The following NEURL4 variants were observed in gnomAD, a reference collection of about 807,000 sequenced individuals.
The protein encoded by NEURL4 is neuralized E3 ubiquitin protein ligase 4, also known as neuralized-like protein 4.
A neutral mutation model predicts 148.0 loss-of-function variants in NEURL4; 45 were observed. The observed-to-expected ratio is 0.30, with a 90% CI of 0.24 to 0.39. The LOEUF (loss-of-function observed/expected upper bound fraction) is 0.39. Ranked by LOEUF, NEURL4 falls within the 10% of genes least tolerant of loss-of-function variation. NEURL4 has a pLI of 1.00. For synonymous variants in NEURL4, 854 were observed against 869.0 expected (o/e 0.98, Z 0.30); for missense variants, 1,776 against 2,144.0 (o/e 0.83, Z 3.39).
At position 7,318,828 on chromosome 17, in the gene NEURL4, TC is replaced by T; in HGVS notation, c.3685-155del. On this transcript the variant is annotated intron_variant, in intron 22 of 28. Coordinates refer to ENST00000399464, the MANE Select transcript of NEURL4 (RefSeq NM_032442.3). This position sits in a 1 kb window ranked among gnomAD's most constrained non-coding sequence, Gnocchi z 4.3. The stretch of plus-strand genomic sequence containing the variant: ...TCCCACTGCAGTTACCTAGAGCCCC[TC>T]CCCTTCCCCAAAACTGGCACATTCT... The T allele has an allele frequency of 4.2e-6, 4 of 957,362 alleles. No individual in the cohort carries two copies. The highest frequency in any genetic ancestry group is 6.1e-6 in the Non-Finnish European group (4 of 654,906). The allele number at this position is 957,362 out of a possible 1,614,324, so 59.3% of individuals were successfully genotyped here.
In NEURL4 at chr17:7,321,256, C is replaced by T. The variant is rs773909230; in HGVS notation, c.3216G>A (p.Leu1072=). 1.9e-6 allele frequency: 3 copies of T among 1,613,830 alleles called. No homozygotes were observed. Among genetic ancestry groups the T allele is most frequent in the Non-Finnish European group, 1.7e-6 (2 of 1,179,862 alleles). ...CACCGCGGACTGGCCCGTAGAGATCCAACACAGCCCACACGTTCTGGGAGG... is the reference window on the plus strand; with the variant it reads ...CACCGCGGACTGGCCCGTAGAGATCTAACACAGCCCACACGTTCTGGGAGG... ...TGIAKNVWAV[L]DLYGPVRGVS... The change falls in exon 20 of 29, where the codon TTG becomes TTA. Residue 1072 remains leucine, a synonymous_variant. Coordinates refer to ENST00000399464, the MANE Select transcript of NEURL4 (RefSeq NM_032442.3). The surrounding 1 kb of genome is among the most constrained non-coding windows in gnomAD (Gnocchi z 6.3).
rs1284487161 is a variant in NEURL4 at position 7,326,340 on chromosome 17, G to C, written c.1208C>G (p.Thr403Ser). 6.2e-7 allele frequency: 1 copy of C among 1,614,164 alleles called. No individual in the cohort carries two copies. Among genetic ancestry groups the C allele is most frequent in the East Asian group, 2.2e-5 (1 of 44,884 alleles). ...PATMTNLQSG[T>S]IMMSGCGILT... ...GATTCCACAGCCGCTCATCATGATG[G>C]TGCCTGGGTGATAGTGGACACTTGG... The change falls in exon 6 of 29, where the codon ACC becomes AGC. Residue 403 changes from threonine (T) to serine (S), a missense_variant. Physicochemically the swap from Thr to Ser is moderately conservative, Grantham distance 58. Transcript: ENST00000399464. The surrounding 1 kb of genome is among the most constrained non-coding windows in gnomAD (Gnocchi z 6.0).
Position 7,325,286 on chromosome 17 carries a change from A to C in NEURL4, c.1554T>G (p.Pro518=). ...RRAAPAAQAE[P]ERLLFHPNCG... ...AGTTGGGGTGGAAGAGCAGGCGCTC[A>C]GGTTCTGCCTGGGCGGCAGGGGCAG... The change falls in exon 8 of 29, where the codon CCT becomes CCG. Residue 518 remains proline (P), a synonymous_variant. Transcript: ENST00000399464. 6.2e-7 allele frequency: 1 copy of C among 1,608,324 alleles called. No individual in the cohort carries two copies. Among genetic ancestry groups the C allele is most frequent in the Non-Finnish European group, 8.5e-7 (1 of 1,177,888 alleles).
At position 7,315,950 on chromosome 17, in the gene NEURL4, G is replaced by A. The variant is rs966331039; in HGVS notation, c.*173C>T. On this transcript the variant is annotated 3_prime_UTR_variant, in exon 29 of 29. Coordinates refer to ENST00000399464, the MANE Select transcript of NEURL4 (RefSeq NM_032442.3). ...ACGGAGTGCTGGGCCTCCGGACATG[G>A]AGCTGTGCCACTTGCCACCTACATC... is the stretch of plus-strand genomic sequence containing the variant. 1 of 609,292 alleles carries A rather than the reference G, an allele frequency of 1.6e-6. No homozygotes were observed. The highest frequency in any genetic ancestry group is 1.8e-5 in the African/African-American group (1 of 54,348). The allele number at this position is 609,292 out of a possible 1,614,324, so 37.7% of individuals were successfully genotyped here.
At position 7,318,025 on chromosome 17, in the gene NEURL4, C is replaced by T; in HGVS notation, c.4060+40G>A. ...TGCTCTCCAAGGCTCTAGGCCTGGC[C>T]CTGGGAATGAAGTCAGTTCTGGCGG... On this transcript the variant is annotated intron_variant, in intron 25 of 28. Transcript: ENST00000399464. The surrounding 1 kb of genome is among the most constrained non-coding windows in gnomAD (Gnocchi z 4.3). The T allele has an allele frequency of 6.8e-6, 11 of 1,613,634 alleles. No individual in the cohort carries two copies. The highest frequency in any genetic ancestry group is 1.3e-5 in the African/African-American group (1 of 75,054).
In NEURL4 at chr17:7,327,792, C is replaced by G. The variant is rs757388895; in HGVS notation, c.375G>C (p.Gly125=). 6.2e-7 allele frequency: 1 copy of G among 1,613,998 alleles called. No individual in the cohort carries two copies. Among genetic ancestry groups the G allele is most frequent in the Admixed American group, 1.7e-5 (1 of 60,030 alleles). Residue 125 remains glycine, a synonymous_variant, in exon 2 of 29, where the codon GGG becomes GGC. Coordinates refer to ENST00000399464, the MANE Select transcript of NEURL4 (RefSeq NM_032442.3). The surrounding 1 kb of genome is among the most constrained non-coding windows in gnomAD (Gnocchi z 6.6). ...DFPSSATGLK[G]GSWVVSGCSV... ...AGCAGCCCGACACTACCCACGAGCC[C>G]CCCTTCAGGCCCGTGGCACTGCTTG...
At chr17:7,319,722 A>C (rs1456323260) in intron 21 of NEURL4, among the ~76,000 whole-genome samples, 2 of 107,928 alleles carry the variant, frequency 1.9e-5, no homozygotes, top group East Asian at 7.1e-4. Context: ...AAAAACAAAA[A>C]AACAAAAAAA....
Position 7,324,864 on chromosome 17 carries a change from A to G in NEURL4, c.1748T>C (p.Ile583Thr). Residue 583 changes from isoleucine to threonine, a missense_variant, in exon 9 of 29, where the codon ATT (isoleucine) becomes ACT (threonine). Coordinates refer to ENST00000399464, the MANE Select transcript of NEURL4 (RefSeq NM_032442.3). This position sits in a 1 kb window ranked among gnomAD's most constrained non-coding sequence, Gnocchi z 5.9. ...MVDKWAGSIE[I>T]GVTTHNPAYL... is the part of the protein sequence containing the mutation. Reference sequence around the variant, plus strand: ...GGCAGGGTTGTGGGTGGTGACACCAATTTCAATGGAGCCAGCCCATTTGTC... The same window carrying G: ...GGCAGGGTTGTGGGTGGTGACACCAGTTTCAATGGAGCCAGCCCATTTGTC... 6.2e-7 allele frequency: 1 copy of G among 1,614,034 alleles called. No homozygotes were observed. Among genetic ancestry groups the G allele is most frequent in the Non-Finnish European group, 8.5e-7 (1 of 1,180,002 alleles).
rs1403312938 is a variant in NEURL4 at position 7,324,803 on chromosome 17, G to A, written c.1809C>T (p.Arg603=). ...LQLPSTMTNL[R]SGTWMMTGNG... ...CTGCCCTTCCTGGGAGCTCACCAGA[G>A]CGCAAGTTGGTCATGGTGGAGGGCA... is the stretch of plus-strand genomic sequence containing the variant. The change falls in exon 9 of 29, where the codon CGC becomes CGT. Residue 603 remains arginine, a synonymous_variant. Coordinates refer to ENST00000399464, the MANE Select transcript of NEURL4 (RefSeq NM_032442.3). This position sits in a 1 kb window ranked among gnomAD's most constrained non-coding sequence, Gnocchi z 5.9. 1.2e-6 allele frequency: 2 copies of A among 1,614,046 alleles called. No homozygotes were observed. The highest frequency in any genetic ancestry group is 8.5e-7 in the Non-Finnish European group (1 of 1,180,020).
Position 7,323,561 on chromosome 17 carries a change from C to T in NEURL4, c.2341G>A (p.Val781Met). Residue 781 changes from valine to methionine, a missense_variant and splice_region_variant, in exon 14 of 29, where the codon GTG becomes ATG. Transcript: ENST00000399464. Reference sequence around the variant, plus strand: ...AGGTCTTCAGGCCGAATAGCAGTCACTCCTGGGAGGAGGCAGGGGTAAGTC... The same window carrying T: ...AGGTCTTCAGGCCGAATAGCAGTCATTCCTGGGAGGAGGCAGGGGTAAGTC... ...DRWSGSIEAG[V>M]TAIRPEDLEF... 1 of 1,614,224 alleles carries T rather than the reference C, an allele frequency of 6.2e-7. No individual in the cohort carries two copies. The highest frequency in any genetic ancestry group is 8.5e-7 in the Non-Finnish European group (1 of 1,180,030).
At chr17:7,323,616 A>G (rs760921193) in intron 13 of NEURL4, 31 bp downstream of exon 13, 23 of 1,613,614 alleles carry the variant, frequency 1.4e-5, no homozygotes, top group African/African-American at 9.3e-5. Context: ...CAGACATCCA[A>G]CAGCCCCCAA....
Position 7,324,715 on chromosome 17 carries a change from A to G in NEURL4, c.1813+84T>C. On this transcript the variant is annotated intron_variant, in intron 9 of 28. Transcript: ENST00000399464. This position sits in a 1 kb window ranked among gnomAD's most constrained non-coding sequence, Gnocchi z 5.9. ...TGGTCACAAGAGTGACAAGTGAAAA[A>G]GGAGCTGCAGAACAAGTGCCAGGGC... The G allele has an allele frequency of 7.0e-7, 1 of 1,437,312 alleles. No individual in the cohort carries two copies. The highest frequency in any genetic ancestry group is 9.7e-7 in the Non-Finnish European group (1 of 1,031,398). 89.0% of individuals were successfully genotyped at this position (1,437,312 alleles called of 1,614,324 possible). A position where few individuals can be genotyped will look rare whatever the true frequency, so the allele number is the denominator to read the frequency against.
rs1330861567 is a variant in NEURL4 at position 7,317,268 on chromosome 17, G to T, written c.4421C>A (p.Pro1474His). 3.3e-6 allele frequency: 5 copies of T among 1,524,476 alleles called. No homozygotes were observed. The highest frequency in any genetic ancestry group is 4.4e-6 in the Non-Finnish European group (5 of 1,138,134). The allele number at this position is 1,524,476 out of a possible 1,614,324, so 94.4% of individuals were successfully genotyped here. Residue 1474 changes from proline (P) to histidine (H), a missense_variant, in exon 28 of 29, where the codon CCT (proline) becomes CAT (histidine). Physicochemically the swap from Pro to His is moderately conservative, Grantham distance 77. Coordinates refer to ENST00000399464, the MANE Select transcript of NEURL4 (RefSeq NM_032442.3). Reference sequence around the variant, plus strand: ...AAGGGAGGGGGAAAGCAGCACAGGAGGGGGCTGCTCCTCCCGAGGAGGTGC... The same window carrying T: ...AAGGGAGGGGGAAAGCAGCACAGGATGGGGCTGCTCCTCCCGAGGAGGTGC... ...NCAPPREEQPPPVLLSPSLQY... is the reference protein window; with the variant it reads ...NCAPPREEQPHPVLLSPSLQY...
At position 7,318,732 on chromosome 17, in the gene NEURL4, GC is replaced by G. The variant is rs2072986622; in HGVS notation, c.3685-59del. 6.6e-7 allele frequency: 1 copy of G among 1,524,432 alleles called. No homozygotes were observed. Among genetic ancestry groups the G allele is most frequent in the Non-Finnish European group, 8.9e-7 (1 of 1,128,506 alleles). The allele number at this position is 1,524,432 out of a possible 1,614,324, so 94.4% of individuals were successfully genotyped here. A position where few individuals can be genotyped will look rare whatever the true frequency, so the allele number is the denominator to read the frequency against. ...CAGACTCCACCGCGGCAGCTGTCCC[GC>G]CCTTTGCTCTGCTTCCTTTTGCCAG... On this transcript the variant is annotated intron_variant, in intron 22 of 28. Transcript: ENST00000399464. This position sits in a 1 kb window ranked among gnomAD's most constrained non-coding sequence, Gnocchi z 4.3.
chr17:7,318,094 G>A lies in NEURL4; in HGVS notation c.4031C>T (p.Ser1344Phe), dbSNP rs1291988756. Residue 1344 changes from serine to phenylalanine, a missense_variant, in exon 25 of 29, where the codon TCT (serine) becomes TTT (phenylalanine). Physicochemically the swap from Ser to Phe is radical, Grantham distance 155 (BLOSUM62 -2). Coordinates refer to ENST00000399464, the MANE Select transcript of NEURL4 (RefSeq NM_032442.3). This position sits in a 1 kb window ranked among gnomAD's most constrained non-coding sequence, Gnocchi z 4.3. ...AAGCAGCAGGAGTTCTTGGAAGCGA[G>A]AGCAAAGGGCATGGTACTCGCAGCT... ...LKSCEYHALC[S>F]RFQELLLLPE... is the part of the protein sequence containing the mutation. 5 of 1,614,184 alleles carry A rather than the reference G, an allele frequency of 3.1e-6. No individual in the cohort carries two copies. The highest frequency in any genetic ancestry group is 4.2e-6 in the Non-Finnish European group (5 of 1,180,022).
chr17:7,323,439 C>T (rs1348680747), intron 14 of NEURL4, 46 bp downstream of exon 14: 2 of 1,597,072 alleles, frequency 1.3e-6, no homozygotes, highest in East Asian at 2.2e-5. Context: ...TGATCCCAGC[C>T]AGCTCCACTC....
Position 7,321,276 on chromosome 17 carries a change from G to A in NEURL4, c.3199-3C>T, listed in dbSNP as rs2073029617. 1 of 1,613,138 alleles carries A rather than the reference G, an allele frequency of 6.2e-7. No individual in the cohort carries two copies. The highest frequency in any genetic ancestry group is 1.3e-5 in the African/African-American group (1 of 74,832). On this transcript the variant is annotated splice_region_variant and splice_polypyrimidine_tract_variant and intron_variant, in intron 19 of 28. Coordinates refer to ENST00000399464, the MANE Select transcript of NEURL4 (RefSeq NM_032442.3). The surrounding 1 kb of genome is among the most constrained non-coding windows in gnomAD (Gnocchi z 6.3). ...AGATCCAACACAGCCCACACGTTCT[G>A]GGAGGCACACAAGACCCAGAAAATC...
At position 7,327,963 on chromosome 17, in the gene NEURL4, G is replaced by A. The variant is rs758625309; in HGVS notation, c.283-79C>T. The A allele has an allele frequency of 4.1e-5, 47 of 1,154,806 alleles. No individual in the cohort carries two copies. The highest frequency in any genetic ancestry group is 5.5e-5 in the Non-Finnish European group (46 of 830,400). 71.5% of individuals were successfully genotyped at this position (1,154,806 alleles called of 1,614,324 possible). On this transcript the variant is annotated intron_variant, in intron 1 of 28. Coordinates refer to ENST00000399464, the MANE Select transcript of NEURL4 (RefSeq NM_032442.3). This position sits in a 1 kb window ranked among gnomAD's most constrained non-coding sequence, Gnocchi z 6.6. ...GGCCACCATATCTTCCCACCTCTCA[G>A]ACAGCTAGCTGGCTTTCTGTCTCTT...
rs1182641183 is a variant in NEURL4 at position 7,318,571 on chromosome 17, A to G, written c.3788T>C (p.Val1263Ala). Residue 1263 changes from valine to alanine, a missense_variant, in exon 23 of 29, where the codon GTG (valine) becomes GCG (alanine). Transcript: ENST00000399464. This position sits in a 1 kb window ranked among gnomAD's most constrained non-coding sequence, Gnocchi z 4.3. ...ATCTGGCACAGCTACCCCCTGGTCC[A>G]CCCCATTAACATGAAGATGCAGCCC... ...SGGLHLHVNG[V>A]DQGVAVPDVP... The G allele has an allele frequency of 1.9e-6, 3 of 1,613,830 alleles. No individual in the cohort carries two copies. The highest frequency in any genetic ancestry group is 3.3e-5 in the Admixed American group (2 of 59,954).
Sources: allele counts gnomAD v4.1 joint callset (sites outside exome capture counted in the v4.1 genomes callset), GRCh38; gene constraint gnomAD v4.1.1; non-coding constraint Gnocchi (gnomAD v3.1); transcripts MANE v1.5; gene names NCBI Gene and HGNC (gene_info 2026-07-23, HGNC 2026-07-21).